The following ESYT1 variants were observed in gnomAD, a reference collection of about 807,000 sequenced individuals.
The protein encoded by ESYT1 is extended synaptotagmin 1.
A neutral mutation model predicts 154.2 loss-of-function variants in ESYT1; 116 were observed. That is an observed-to-expected ratio of 0.75 (90% CI 0.65 to 0.88). The LOEUF (loss-of-function observed/expected upper bound fraction) is 0.88, where lower values mean the gene tolerates loss of function less well. ESYT1 is among the 40% of genes least tolerant of loss of function. The pLI is 0.00. For synonymous variants in ESYT1, 500 were observed against 539.9 expected, an observed-to-expected ratio of 0.93 and a Z score of 1.02; for missense variants, 1,264 against 1,379.3, an observed-to-expected ratio of 0.92 and a Z score of 1.32.
intron 1 of ESYT1, among the ~76,000 whole-genome samples, chr12:56,129,055 C>T (rs1870121448): frequency 6.6e-6 from 1 of 152,184 alleles, no homozygotes; most frequent in African/African-American, 2.4e-5. Flanking sequence ...CTTTTGGTGC[C>T]ACTCGCGGCT....
In ESYT1 at chr12:56,144,007, C is replaced by T. The variant is rs772537120; in HGVS notation, c.*145C>T. 95 of 1,527,990 alleles carry T rather than the reference C, an allele frequency of 6.2e-5. No individual in the cohort carries two copies. Among genetic ancestry groups the T allele is most frequent in the Non-Finnish European group, 8.1e-5 (93 of 1,144,254 alleles). 94.7% of individuals were successfully genotyped at this position (1,527,990 alleles called of 1,614,324 possible). A position where few individuals can be genotyped will look rare whatever the true frequency, so the allele number is the denominator to read the frequency against. On this transcript the variant is annotated 3_prime_UTR_variant, in exon 31 of 31. Coordinates refer to ENST00000394048, the MANE Select transcript of ESYT1 (RefSeq NM_015292.3). ...TTCACCTAACAGGCCCATATTCGGG[C>T]CTTTGCCTGACCAAAGAGAAGAACC...
chr12:56,138,702 T>G (rs950273794), intron 22 of ESYT1, 66 bp from the exon 23 acceptor site: 16 of 1,496,976 alleles, frequency 1.1e-5, no homozygotes, highest in Middle Eastern at 3.4e-4. Flanking sequence ...GCTGTGGATA[T>G]AATTTGTGAG....
intron 7 of ESYT1, 116 bp downstream of exon 7, chr12:56,131,920 G>C (rs1870251528): frequency 3.5e-6 from 4 of 1,148,812 alleles, no homozygotes; most frequent in Non-Finnish European, 5.2e-6. Context: ...ACTTCATTTG[G>C]GGAGCAAAGA....
intron 21 of ESYT1, 61 bp downstream of exon 21, chr12:56,138,333 T>G (rs1177732289): frequency 1.2e-6 from 2 of 1,612,538 alleles, no homozygotes; most frequent in East Asian, 4.5e-5. Context: ...GCTCTTCTCT[T>G]AGCGTTCAAG....
In ESYT1 at chr12:56,137,315, G is replaced by T; in HGVS notation, c.1880G>T (p.Ser627Ile). Residue 627 changes from serine (S) to isoleucine (I), a missense_variant, in exon 17 of 31, where the codon AGT becomes ATT. Physicochemically the swap from Ser to Ile is moderately radical, Grantham distance 142 (BLOSUM62 -2). Coordinates refer to ENST00000394048, the MANE Select transcript of ESYT1 (RefSeq NM_015292.3). ...VDSENPQRGS[S>I]VDAPPRPCHT... The stretch of plus-strand genomic sequence containing the variant: ...AGTGAGAATCCCCAGAGAGGCAGCA[G>T]TGTGGATGCCCCACCTCGACCCTGT... The T allele has an allele frequency of 2.5e-6, 4 of 1,614,232 alleles. No individual in the cohort carries two copies. The highest frequency in any genetic ancestry group is 3.4e-6 in the Non-Finnish European group (4 of 1,180,046).
Position 56,138,931 on chromosome 12 carries a change from T to A in ESYT1, c.2510T>A (p.Ile837Asn), listed in dbSNP as rs1870577200. Residue 837 changes from isoleucine to asparagine, a missense_variant, in exon 24 of 31, where the codon ATT (isoleucine) becomes AAT (asparagine). By Grantham distance (149) the Ile-to-Asn change is moderately radical. Coordinates refer to ENST00000394048, the MANE Select transcript of ESYT1 (RefSeq NM_015292.3). ...ATAAGCCCTCATCTCCACCAGACTA[T>A]TTCGCAAACTTCAGCCCCTGTCTGG... is the stretch of plus-strand genomic sequence containing the variant. ...VGDSSHKTKT[I>N]SQTSAPVWDE... 6.2e-7 allele frequency: 1 copy of A among 1,613,946 alleles called. No individual in the cohort carries two copies.
intron 4 of ESYT1, 62 bp from the exon 5 acceptor site, chr12:56,131,182 C>T: frequency 6.2e-7 from 1 of 1,613,018 alleles, no homozygotes; most frequent in African/African-American, 1.3e-5. Context: ...TACTTCACTC[C>T]CCCTCCCCGC....
In ESYT1 at chr12:56,128,890, A is replaced by G. The variant is rs915695543; in HGVS notation, c.390+181A>G. The G allele has an allele frequency of 1.2e-5, 8 of 672,212 alleles. No homozygotes were observed. The African/African-American group carries it at 1.5e-4, about 12-fold the overall frequency. The allele number at this position is 672,212 out of a possible 1,614,324, so 41.6% of individuals were successfully genotyped here. A position where few individuals can be genotyped will look rare whatever the true frequency, so the allele number is the denominator to read the frequency against. The stretch of plus-strand genomic sequence containing the variant: ...GCGCCACTCTTGGAACCGACTGCTC[A>G]CTCTCCCCACCCACCCTTTCGCATG... On this transcript the variant is annotated intron_variant, in intron 1 of 30. Coordinates refer to ENST00000394048, the MANE Select transcript of ESYT1 (RefSeq NM_015292.3).
chr12:56,137,698 TC>T, intron 18 of ESYT1, 23 bp downstream of exon 18: 2 of 1,611,372 alleles, frequency 1.2e-6, no homozygotes, highest in Non-Finnish European at 1.7e-6. Flanking sequence ...TGGCTGTGAC[TC>T]CTGGTTCTGC....
intron 1 of ESYT1, chr12:56,130,375 T>G (rs1188508852): frequency 3.1e-6 from 2 of 639,348 alleles, no homozygotes; most frequent in African/African-American, 3.6e-5. Context: ...GCGTGACCTC[T>G]ACCTTGTCAG....
intron 1 of ESYT1, chr12:56,129,147 A>G (rs1468276527): frequency 1.0e-5 from 2 of 196,562 alleles, no homozygotes; most frequent in African/African-American, 4.8e-5. Context: ...CTTTTTACCT[A>G]CTTAAAGCCA....
intron 22 of ESYT1, 117 bp from the exon 23 acceptor site, chr12:56,138,651 C>T (rs1565875791): frequency 2.3e-6 from 3 of 1,285,098 alleles, no homozygotes; most frequent in Non-Finnish European, 3.4e-6. Flanking sequence ...TTCAAGGCCA[C>T]GGGTAGTGGC....
intron 1 of ESYT1, 99 bp downstream of exon 1, chr12:56,128,808 G>A: frequency 6.9e-7 from 1 of 1,457,276 alleles, no homozygotes; most frequent in Admixed American, 1.8e-5. Flanking sequence ...TCCCTGCCTT[G>A]GGACAGTGGG....
rs949038804 is a variant in ESYT1 at position 56,137,153 on chromosome 12, C to G, written c.1783-65C>G. On this transcript the variant is annotated intron_variant, in intron 16 of 30. Coordinates refer to ENST00000394048, the MANE Select transcript of ESYT1 (RefSeq NM_015292.3). The stretch of plus-strand genomic sequence containing the variant: ...TCACAGCCCCTCCTCTACCCCACCC[C>G]ACATGCTTTGCCTGCTGGTGACGAG... 1.9e-6 allele frequency: 3 copies of G among 1,592,226 alleles called. No individual in the cohort carries two copies. The Admixed American group carries it at 5.0e-5, about 27-fold the overall frequency.
At position 56,133,467 on chromosome 12, in the gene ESYT1, T is replaced by C. The variant is rs1315916296; in HGVS notation, c.1293+2T>C. ...TTACAGGCTAGCGTTCTGGATGATG[T>C]AAGTTGGGAGAAGAGGAAGGTGGGG... On this transcript the variant is annotated splice_donor_variant, in intron 11 of 30. Transcript: ENST00000394048. LOFTEE classifies it high-confidence loss of function. The C allele has an allele frequency of 3.7e-6, 6 of 1,614,070 alleles. No individual in the cohort carries two copies. The highest frequency in any genetic ancestry group is 1.3e-5 in the African/African-American group (1 of 74,916).
In ESYT1 at chr12:56,142,442, G is replaced by T; in HGVS notation, c.2733+17G>T. ...CAGCTAGGGGTGAGTGACAGGAGAT[G>T]GTGGGCAGGATGAGAGGGAGGAGGG... On this transcript the variant is annotated intron_variant, in intron 25 of 30. Coordinates refer to ENST00000394048, the MANE Select transcript of ESYT1 (RefSeq NM_015292.3). This position sits in a 1 kb window ranked among gnomAD's most constrained non-coding sequence, Gnocchi z 4.1. 1 of 1,610,178 alleles carries T rather than the reference G, an allele frequency of 6.2e-7. No individual in the cohort carries two copies. Among genetic ancestry groups the T allele is most frequent in the African/African-American group, 1.3e-5 (1 of 74,974 alleles).
chr12:56,138,514 C>T lies in ESYT1; in HGVS notation c.2433+15C>T. ...AGGACCTCCCGGTGAGATCCCGCTC[C>T]CCATGCCCCATAACTTCCTGGCCCT... is the stretch of plus-strand genomic sequence containing the variant. On this transcript the variant is annotated intron_variant, in intron 22 of 30. Transcript: ENST00000394048. 1.3e-6 allele frequency: 2 copies of T among 1,588,756 alleles called. No individual in the cohort carries two copies. The highest frequency in any genetic ancestry group is 4.5e-5 in the East Asian group (2 of 44,100).
At position 56,138,424 on chromosome 12, in the gene ESYT1, G is replaced by C; in HGVS notation, c.2358G>C (p.Leu786Phe). 1.2e-6 allele frequency: 2 copies of C among 1,613,588 alleles called. No homozygotes were observed. The highest frequency in any genetic ancestry group is 1.1e-5 in the South Asian group (1 of 90,958). The change falls in exon 22 of 31, where the codon TTG (leucine) becomes TTC (phenylalanine). Residue 786 changes from leucine (L) to phenylalanine (F), a missense_variant. Physicochemically the swap from Leu to Phe is conservative, Grantham distance 22. Transcript: ENST00000394048. ...ELEEVLQVNS[L>F]IQTQKSAELA... ...CACAGGTGCTGCAGGTGAATAGTTTGATCCAGACTCAGAAGAGTGCGGAGC... is the reference window on the plus strand; with the variant it reads ...CACAGGTGCTGCAGGTGAATAGTTTCATCCAGACTCAGAAGAGTGCGGAGC...
At chr12:56,135,572 C>T (rs1870416680) in intron 15 of ESYT1, among the ~76,000 whole-genome samples, 2 of 151,840 alleles carry the variant, frequency 1.3e-5, no homozygotes, top group South Asian at 2.1e-4. Flanking sequence ...AAGACATACA[C>T]ATATAAAATC....
Sources: allele counts gnomAD v4.1 joint callset (sites outside exome capture counted in the v4.1 genomes callset), GRCh38; gene constraint gnomAD v4.1.1; non-coding constraint Gnocchi (gnomAD v3.1); transcripts MANE v1.5; gene names NCBI Gene and HGNC (gene_info 2026-07-23, HGNC 2026-07-21).